DIS3L2: variants seen among roughly 807,000 people sequenced by gnomAD.
The protein encoded by DIS3L2 is DIS3-like exonuclease 2.
A neutral mutation model predicts 97.5 loss-of-function variants in DIS3L2; 34 were observed. The ratio of observed to expected loss-of-function variants is 0.35; its 90% CI spans 0.27 to 0.46. DIS3L2 has a LOEUF of 0.46. Among genes scored for constraint, DIS3L2 ranks in the 20% least tolerant of loss-of-function variants. DIS3L2 has a pLI of 1.00. For synonymous variants in DIS3L2, 435 were observed against 445.2 expected, an observed-to-expected ratio of 0.98 and a Z score of 0.29; for missense variants, 1,038 against 1,146.0, an observed-to-expected ratio of 0.91 and a Z score of 1.36.
chr2:232,309,502 A>G (rs1176458100), intron 14 of DIS3L2, among the ~76,000 whole-genome samples: 1 of 151,922 alleles, frequency 6.6e-6, no homozygotes, highest in Admixed American at 6.5e-5. Context: ...GCTACGGCCC[A>G]GGTTTTTTTG....
intron 5 of DIS3L2, among the ~76,000 whole-genome samples, chr2:232,047,138 G>C (rs1240657750): frequency 6.6e-6 from 1 of 152,202 alleles, no homozygotes; most frequent in Non-Finnish European, 1.5e-5. Context: ...TTTTTGACAA[G>C]TAAATTTACA....
At chr2:232,144,912 G>A (rs1489333800) in intron 8 of DIS3L2, among the ~76,000 whole-genome samples, 2 of 152,216 alleles carry the variant, frequency 1.3e-5, no homozygotes, top group Non-Finnish European at 2.9e-5. Flanking sequence ...ATACCACAGA[G>A]GTGATGTGCA....
At chr2:232,063,812 CTTA>C (rs1296405444) in intron 5 of DIS3L2, among the ~76,000 whole-genome samples, 1 of 152,020 alleles carries the variant, frequency 6.6e-6, no homozygotes, top group Non-Finnish European at 1.5e-5. Context: ...TCGAAAATGC[CTTA>C]TTAACTGAAG....
At chr2:232,113,918 C>G (rs1439200977) in intron 6 of DIS3L2, among the ~76,000 whole-genome samples, 1 of 152,108 alleles carries the variant, frequency 6.6e-6, no homozygotes, top group Non-Finnish European at 1.5e-5. Context: ...CTGACCCTCC[C>G]TCCCTAAACT....
At chr2:232,198,231 A>G (rs1214863054) in intron 9 of DIS3L2, among the ~76,000 whole-genome samples, 1 of 152,156 alleles carries the variant, frequency 6.6e-6, no homozygotes, top group Non-Finnish European at 1.5e-5. Flanking sequence ...GGCCATCTCT[A>G]GGAAATAGAG....
intron 19 of DIS3L2, chr2:232,335,274 G>A: frequency 5.4e-6 from 1 of 185,412 alleles, no homozygotes; most frequent in East Asian, 1.5e-4. Context: ...CATCCAGAGT[G>A]CCCTGGGAGT....
intron 10 of DIS3L2, among the ~76,000 whole-genome samples, chr2:232,215,595 G>A (rs951417548): frequency 3.1e-4 from 47 of 152,286 alleles, no homozygotes; most frequent in African/African-American, 1.1e-3. Flanking sequence ...GAGTCTAGGA[G>A]CAGTGCCTGT....
At chr2:232,270,906 CTCTCTCTCTG>C (rs1389895956) in intron 13 of DIS3L2, among the ~76,000 whole-genome samples, 5 of 135,206 alleles carry the variant, frequency 3.7e-5, no homozygotes, top group Non-Finnish European at 8.0e-5. Flanking sequence ...CTCTCTCTCT[CTCTCTCTCTG>C]TCTCGTCTCT....
At chr2:232,086,634 T>A (rs111259727) in intron 5 of DIS3L2, among the ~76,000 whole-genome samples, 1 of 63,792 alleles carries the variant, frequency 1.6e-5, no homozygotes, top group Non-Finnish European at 3.2e-5. Context: ...TATATACACA[T>A]ATATATATAT....
At position 232,037,650 on chromosome 2, in the gene DIS3L2, A is replaced by C. The variant is rs559971151; in HGVS notation, c.366+7570A>C. ...CTGCCCAGTTTTGTACTTGAAACCCAGGGCCCTTGTGGTATAGGCACCCGA... is the reference window on the plus strand; with the variant it reads ...CTGCCCAGTTTTGTACTTGAAACCCCGGGCCCTTGTGGTATAGGCACCCGA... On this transcript the variant is annotated intron_variant, in intron 5 of 20. Coordinates refer to ENST00000325385, the MANE Select transcript of DIS3L2 (RefSeq NM_152383.5). This position sits in a 1 kb window ranked among gnomAD's most constrained non-coding sequence, Gnocchi z 4.6. 6.6e-6 allele frequency among the ~76,000 whole-genome samples: 1 copy of C among 152,180 alleles called. No homozygotes were observed. The highest frequency in any genetic ancestry group is 2.4e-5 in the African/African-American group (1 of 41,532).
intron 15 of DIS3L2, 65 bp downstream of exon 15, chr2:232,330,061 TG>T: frequency 1.3e-6 from 2 of 1,541,032 alleles, no homozygotes; most frequent in Non-Finnish European, 8.8e-7. Flanking sequence ...ACCTGGAAGG[TG>T]GGGTGGTCCA....
intron 1 of DIS3L2, among the ~76,000 whole-genome samples, chr2:231,969,892 G>A (rs1368679381): frequency 6.8e-6 from 1 of 147,684 alleles, no homozygotes; most frequent in Non-Finnish European, 1.5e-5. Context: ...TTTTTTTTTC[G>A]AGAGTGAACA....
At chr2:232,277,449 G>A (rs557158856) in intron 13 of DIS3L2, among the ~76,000 whole-genome samples, 1 of 152,032 alleles carries the variant, frequency 6.6e-6, no homozygotes, top group East Asian at 1.9e-4. Context: ...ATTTCCTTAG[G>A]AGTACATTCT....
intron 6 of DIS3L2, among the ~76,000 whole-genome samples, chr2:232,118,791 A>C (rs1697806115): frequency 6.6e-6 from 1 of 152,252 alleles, no homozygotes; most frequent in Admixed American, 6.5e-5. Context: ...ATTTGCACTT[A>C]GAGCTGAAGC....
intron 8 of DIS3L2, among the ~76,000 whole-genome samples, chr2:232,141,758 CACCTT>C (rs1312087162): frequency 6.6e-6 from 1 of 152,128 alleles, no homozygotes; most frequent in Non-Finnish European, 1.5e-5. Context: ...CCTAGCTTTT[CACCTT>C]GTGGTGGTTG....
intron 9 of DIS3L2, among the ~76,000 whole-genome samples, chr2:232,172,261 C>T (rs1312893383): frequency 1.3e-5 from 2 of 152,074 alleles, no homozygotes; most frequent in Non-Finnish European, 2.9e-5. Flanking sequence ...ACATTTTTGT[C>T]ACCCCAAAAA....
intron 14 of DIS3L2, among the ~76,000 whole-genome samples, chr2:232,303,752 G>A (rs2106324719): frequency 6.6e-6 from 1 of 152,254 alleles, no homozygotes; most frequent in Non-Finnish European, 1.5e-5. Flanking sequence ...TCAAAAGCAG[G>A]TAAAGTTTTC....
rs544461690 is a variant in DIS3L2, at chr2:232,007,734, A to C, written c.-93-7101A>C. Among the ~76,000 whole-genome samples the C allele has an allele frequency of 3.3e-5, 5 of 152,374 alleles. No individual in the cohort carries two copies. The South Asian group carries it at 1.0e-3, about 32-fold the overall frequency. ...AATTCCTATAGAAATGCAAATTAATAAAATTGATTCAAGAAGAAATTTAAA... is the reference window on the plus strand; with the variant it reads ...AATTCCTATAGAAATGCAAATTAATCAAATTGATTCAAGAAGAAATTTAAA... On this transcript the variant is annotated intron_variant, in intron 1 of 20. Coordinates refer to ENST00000325385, the MANE Select transcript of DIS3L2 (RefSeq NM_152383.5).
rs533617369 is a variant in DIS3L2, at chr2:232,294,171, A to G, written c.1660-5869A>G. ...TTGGCCTCGGTTGGGTCACACATCC[A>G]TTCCTGAACCAGTTTCTAGGGCCAG... is the stretch of plus-strand genomic sequence containing the variant. On this transcript the variant is annotated intron_variant, in intron 13 of 20. Transcript: ENST00000325385. Among the ~76,000 whole-genome samples, 190 of 152,316 alleles carry G rather than the reference A, an allele frequency of 1.2e-3. 1 individual carries two copies. In the Middle Eastern group the frequency reaches 0.024, roughly 19 times the overall value.
Sources: gnomAD v4.1 joint callset for allele counts (sites outside exome capture counted in the v4.1 genomes callset) on GRCh38, gnomAD v4.1.1 for gene constraint, Gnocchi (gnomAD v3.1) non-coding constraint, MANE v1.5 for transcripts, NCBI Gene and HGNC (gene_info 2026-07-23, HGNC 2026-07-21) for gene names.